The following TENM2 variants were observed in gnomAD, a reference collection of about 807,000 sequenced individuals.
TENM2 encodes teneurin-2.
A neutral mutation model predicts 245.2 loss-of-function variants in TENM2; 52 were observed. That is an observed-to-expected ratio of 0.21 (90% confidence interval 0.17 to 0.27). The LOEUF is 0.27. Among genes scored for constraint, TENM2 ranks in the 10% least tolerant of loss-of-function variants. The pLI, the probability that TENM2 is intolerant of heterozygous loss-of-function variation, is 1.00. For missense variants in TENM2, 3,046 were observed against 3,666.8 expected (o/e 0.83, Z 4.37); for synonymous variants, 1,363 against 1,438.9 (o/e 0.95, Z 1.19).
intron 2 of TENM2, among the ~76,000 whole-genome samples, chr5:167,523,544 G>T (rs1357667729): frequency 6.6e-6 from 1 of 152,024 alleles, no homozygotes; most frequent in South Asian, 2.1e-4. Context: ...ACGTGTTTAT[G>T]TGTAAAATCC....
Position 167,320,106 on chromosome 5 carries a change from T to C in TENM2, c.226+35043T>C, listed in dbSNP as rs114709156. 4.8e-4 allele frequency among the ~76,000 whole-genome samples: 73 copies of C among 152,320 alleles called. 2 individuals carry two copies. Among genetic ancestry groups the C allele is most frequent in the East Asian group, 9.6e-4 (5 of 5,184 alleles). ...ATAAGTACTTCTATTAGTCCCACTT[T>C]ATGATATGATGAAAAACAAAAATCA... On this transcript the variant is annotated intron_variant, in intron 1 of 28. Transcript: ENST00000518659.
At chr5:168,099,574 G>A (rs1038311957) in intron 9 of TENM2, among the ~76,000 whole-genome samples, 29 of 152,136 alleles carry the variant, frequency 1.9e-4, no homozygotes, top group African/African-American at 5.5e-4. Flanking sequence ...TAATCTTCCC[G>A]TTATTTTCAT....
chr5:167,582,591 C>G (rs976515311), intron 2 of TENM2, among the ~76,000 whole-genome samples: 3 of 152,068 alleles, frequency 2.0e-5, no homozygotes, highest in African/African-American at 7.2e-5. Context: ...TCAGTGTTAA[C>G]AAAAAAGTCA....
At chr5:167,577,229 G>A (rs1430997347) in intron 2 of TENM2, among the ~76,000 whole-genome samples, 1 of 152,120 alleles carries the variant, frequency 6.6e-6, no homozygotes. Context: ...ATAGTGAAAG[G>A]GAAGTGTATA....
chr5:168,010,814 C>T (rs1008445317), intron 5 of TENM2, among the ~76,000 whole-genome samples: 2 of 152,220 alleles, frequency 1.3e-5, no homozygotes, highest in Non-Finnish European at 2.9e-5. Context: ...TTGGCAAGCA[C>T]TGTCCGTGTA....
chr5:167,964,200 C>T (rs1362295429), intron 4 of TENM2, among the ~76,000 whole-genome samples: 2 of 152,222 alleles, frequency 1.3e-5, no homozygotes, highest in Non-Finnish European at 2.9e-5. Flanking sequence ...TCGGCTGCTT[C>T]TTTGGGAGTT....
intron 6 of TENM2, among the ~76,000 whole-genome samples, chr5:168,058,390 A>C (rs1305816673): frequency 1.3e-5 from 2 of 152,224 alleles, no homozygotes; most frequent in Non-Finnish European, 2.9e-5. Flanking sequence ...CAGGGAGCAC[A>C]GTGTCCAGAG....
intron 3 of TENM2, among the ~76,000 whole-genome samples, chr5:167,886,992 T>A (rs1774341213): frequency 6.6e-6 from 1 of 152,152 alleles, no homozygotes; most frequent in Non-Finnish European, 1.5e-5. Flanking sequence ...GGGCTTTAGC[T>A]CTTTTTCCCA....
At chr5:167,374,287 G>T (rs756449873) in intron 1 of TENM2, among the ~76,000 whole-genome samples, 1 of 152,148 alleles carries the variant, frequency 6.6e-6, no homozygotes, top group Non-Finnish European at 1.5e-5. Context: ...AACATGCTGT[G>T]CATGTTTGTA....
At chr5:168,120,516 G>A (rs1795394180) in intron 10 of TENM2, among the ~76,000 whole-genome samples, 1 of 152,206 alleles carries the variant, frequency 6.6e-6, no homozygotes, top group Non-Finnish European at 1.5e-5. Flanking sequence ...TTTCTCTCCA[G>A]TAAGATTATA....
intron 2 of TENM2, among the ~76,000 whole-genome samples, chr5:167,419,498 G>A (rs78990037): frequency 0.038 from 5,708 of 152,156 alleles, 222 homozygotes; most frequent in African/African-American, 0.098. Context: ...AGATAATTGG[G>A]CAGATGGGTA....
chr5:167,455,066 T>C (rs1289370294), intron 2 of TENM2, among the ~76,000 whole-genome samples: 1 of 152,254 alleles, frequency 6.6e-6, no homozygotes, highest in African/African-American at 2.4e-5. Flanking sequence ...GATCAAGAAT[T>C]AATCCATAGA....
chr5:167,253,263 T>G, the TENM2 span, among the ~76,000 whole-genome samples: 79 of 150,402 alleles, frequency 5.3e-4, no homozygotes, highest in African/African-American at 1.9e-3. Context: ...GCTTTTTTTT[T>G]TTTTTTTAAT....
At chr5:167,938,904 C>T (rs1282140526) in intron 3 of TENM2, among the ~76,000 whole-genome samples, 2 of 149,094 alleles carry the variant, frequency 1.3e-5, no homozygotes, top group African/African-American at 5.0e-5. Context: ...GATTGTGCCA[C>T]TGCACTCCAG....
chr5:167,637,167 T>C (rs561849531), intron 2 of TENM2, among the ~76,000 whole-genome samples: 65 of 152,352 alleles, frequency 4.3e-4, no homozygotes, highest in Admixed American at 1.3e-3. Context: ...CTAAGAACGA[T>C]GTGTTTGCTA....
the TENM2 span, among the ~76,000 whole-genome samples, chr5:166,986,699 A>G: frequency 1.3e-5 from 2 of 152,194 alleles, no homozygotes; most frequent in South Asian, 4.1e-4. Flanking sequence ...ACATGTTTTA[A>G]GAACTGGGGC....
chr5:168,062,970 A>T (rs1034301844), intron 7 of TENM2, among the ~76,000 whole-genome samples: 1 of 152,196 alleles, frequency 6.6e-6, no homozygotes, highest in Non-Finnish European at 1.5e-5. Context: ...AAGCCACAGC[A>T]TTGTAAAATC....
chr5:167,965,557 G>C (rs1246015485), intron 4 of TENM2: 1 of 151,456 alleles, frequency 6.6e-6, no homozygotes, highest in Non-Finnish European at 1.5e-5. Context: ...GCTCCATCCT[G>C]GGTGATAGCG....
At chr5:167,621,758 CAA>C (rs1415388108) in intron 2 of TENM2, among the ~76,000 whole-genome samples, 1 of 152,150 alleles carries the variant, frequency 6.6e-6, no homozygotes, top group Non-Finnish European at 1.5e-5. Context: ...TGGGTTGTGT[CAA>C]AGTGTGGCCA....
Sources: allele counts gnomAD v4.1 joint callset (sites outside exome capture counted in the v4.1 genomes callset), GRCh38; gene constraint gnomAD v4.1.1; transcripts MANE v1.5; gene names NCBI Gene and HGNC (gene_info 2026-07-23, HGNC 2026-07-21).